Variants in KCTD16 observed in about 807,000 individuals in gnomAD.
KCTD16 encodes BTB/POZ domain-containing protein KCTD16.
In KCTD16, 13 loss-of-function variants were observed where a neutral mutation model predicts 33.2. The observed-to-expected ratio is 0.39, with a 90% CI of 0.25 to 0.62. The LOEUF (loss-of-function observed/expected upper bound fraction) is 0.62, where lower values mean the gene tolerates loss of function less well. Among genes scored for constraint, KCTD16 ranks in the 20% least tolerant of loss-of-function variants. The pLI, the probability that KCTD16 is intolerant of heterozygous loss-of-function variation, is 0.50. For missense variants in KCTD16, 441 were observed against 525.1 expected, an observed-to-expected ratio of 0.84 and a Z score of 1.57; for synonymous variants, 197 against 195.3, an observed-to-expected ratio of 1.01 and a Z score of -0.07.
chr5:144,219,070 C>G (rs1459552646), intron 3 of KCTD16, among the ~76,000 whole-genome samples: 1 of 152,190 alleles, frequency 6.6e-6, no homozygotes, highest in Non-Finnish European at 1.5e-5. Context: ...CCTAACACAT[C>G]AGATCACCTC....
chr5:144,269,005 CA>C (rs1755223270), intron 3 of KCTD16, among the ~76,000 whole-genome samples: 1 of 151,986 alleles, frequency 6.6e-6, no homozygotes, highest in African/African-American at 2.4e-5. Flanking sequence ...AAACAATCTG[CA>C]ATCTTGAAGA....
At chr5:144,390,757 A>G (rs941227073) in intron 3 of KCTD16, among the ~76,000 whole-genome samples, 5 of 151,688 alleles carry the variant, frequency 3.3e-5, no homozygotes. Context: ...ACTCCCACTT[A>G]TGAGTGAGAA....
chr5:144,181,820 A>G (rs926349158), intron 2 of KCTD16, among the ~76,000 whole-genome samples: 1 of 152,174 alleles, frequency 6.6e-6, no homozygotes, highest in Non-Finnish European at 1.5e-5. Flanking sequence ...AGGGCAGGGC[A>G]CGGTGGCTCA....
intron 2 of KCTD16, among the ~76,000 whole-genome samples, chr5:144,193,216 A>T (rs1752877234): frequency 6.6e-6 from 1 of 152,202 alleles, no homozygotes; most frequent in South Asian, 2.1e-4. Context: ...AAAGTAAGCA[A>T]ACCAGAACAT....
At chr5:144,406,316 G>A (rs934223300) in intron 3 of KCTD16, among the ~76,000 whole-genome samples, 3 of 152,142 alleles carry the variant, frequency 2.0e-5, no homozygotes, top group Non-Finnish European at 2.9e-5. Flanking sequence ...TCCTTACTTT[G>A]TCTCAAATTT....
intron 3 of KCTD16, among the ~76,000 whole-genome samples, chr5:144,251,782 A>T (rs575461513): frequency 6.6e-6 from 1 of 152,320 alleles, no homozygotes; most frequent in East Asian, 1.9e-4. Context: ...ATACATCAGT[A>T]TAGTATATGT....
At chr5:144,447,517 T>G (rs1753847260) in intron 3 of KCTD16, among the ~76,000 whole-genome samples, 1 of 151,504 alleles carries the variant, frequency 6.6e-6, no homozygotes, top group African/African-American at 2.4e-5. Flanking sequence ...GTAACAAACC[T>G]GCACGTTCCA....
At chr5:144,341,659 C>A (rs1173358462) in intron 3 of KCTD16, among the ~76,000 whole-genome samples, 2 of 152,158 alleles carry the variant, frequency 1.3e-5, no homozygotes, top group East Asian at 3.9e-4. Flanking sequence ...TTCACCGATT[C>A]CCAACTGGTT....
intron 3 of KCTD16, among the ~76,000 whole-genome samples, chr5:144,257,708 C>T (rs1754890473): frequency 1.3e-5 from 2 of 152,100 alleles, no homozygotes; most frequent in African/African-American, 2.4e-5. Flanking sequence ...AGGATGGTCT[C>T]GATCTCCTGA....
chr5:144,289,631 C>T (rs1255055812), intron 3 of KCTD16, among the ~76,000 whole-genome samples: 1 of 152,140 alleles, frequency 6.6e-6, no homozygotes, highest in African/African-American at 2.4e-5. Context: ...GTCTTTTTAT[C>T]TGTAATTTGA....
chr5:144,303,061 G>T (rs1037812892), intron 3 of KCTD16, among the ~76,000 whole-genome samples: 19 of 152,172 alleles, frequency 1.2e-4, no homozygotes, highest in African/African-American at 4.6e-4. Context: ...TTGAGTGTTT[G>T]GTTGTATAAT....
intron 2 of KCTD16, among the ~76,000 whole-genome samples, chr5:144,180,315 G>T (rs557183594): frequency 1.9e-4 from 29 of 152,116 alleles, no homozygotes; most frequent in Non-Finnish European, 3.8e-4. Flanking sequence ...GGGCAAGGGG[G>T]AGTGGATCCA....
At chr5:144,271,302 G>T (rs1229698923) in intron 3 of KCTD16, among the ~76,000 whole-genome samples, 1 of 151,854 alleles carries the variant, frequency 6.6e-6, no homozygotes, top group Non-Finnish European at 1.5e-5. Context: ...TATTTTAAAA[G>T]ACTTTGATCA....
At chr5:144,383,869 G>A (rs1752268891) in intron 3 of KCTD16, among the ~76,000 whole-genome samples, 1 of 152,018 alleles carries the variant, frequency 6.6e-6, no homozygotes, top group African/African-American at 2.4e-5. Context: ...ATTTCTGATG[G>A]GTTTGAAACA....
At chr5:144,404,259 A>G (rs2126948529) in intron 3 of KCTD16, among the ~76,000 whole-genome samples, 1 of 152,324 alleles carries the variant, frequency 6.6e-6, no homozygotes. Flanking sequence ...ATTCCCTATG[A>G]ACTGACTTGG....
chr5:144,425,344 G>A (rs894522582), intron 3 of KCTD16, among the ~76,000 whole-genome samples: 1 of 151,920 alleles, frequency 6.6e-6, no homozygotes, highest in Non-Finnish European at 1.5e-5. Context: ...CTATAGCCTT[G>A]TTGGGCTCAT....
intron 3 of KCTD16, among the ~76,000 whole-genome samples, chr5:144,452,133 AATATATATAATATT>A (rs1221423255): frequency 7.1e-6 from 1 of 139,996 alleles, no homozygotes; most frequent in African/African-American, 3.0e-5. Flanking sequence ...AAACACATTA[AATATATATAATATT>A]ATATATATAT....
intron 3 of KCTD16, among the ~76,000 whole-genome samples, chr5:144,453,447 TG>T (rs955617731): frequency 1.3e-5 from 2 of 152,176 alleles, no homozygotes; most frequent in African/African-American, 2.4e-5. Context: ...ATGATCTGTA[TG>T]AATTTTCATA....
intron 3 of KCTD16, among the ~76,000 whole-genome samples, chr5:144,209,746 T>A (rs984638303): frequency 1.3e-5 from 2 of 150,262 alleles, no homozygotes; most frequent in African/African-American, 2.4e-5. Context: ...GCAAAGATGC[T>A]TTTCACAAAG....
Sources: gnomAD v4.1 joint callset for allele counts (sites outside exome capture counted in the v4.1 genomes callset) on GRCh38, gnomAD v4.1.1 for gene constraint, MANE v1.5 for transcripts, NCBI Gene and HGNC (gene_info 2026-07-23, HGNC 2026-07-21) for gene names.